Variants in EPC2 observed in about 807,000 individuals in gnomAD.
EPC2 encodes the protein enhancer of polycomb homolog 2.
A neutral mutation model predicts 92.1 loss-of-function variants in EPC2; 14 were observed. The observed-to-expected ratio is 0.15, with a 90% confidence interval of 0.10 to 0.24. EPC2 has a LOEUF of 0.24. EPC2 is among the 10% of genes least tolerant of loss of function. EPC2 has a pLI of 1.00. For synonymous variants in EPC2, 340 were observed against 334.7 expected, an observed-to-expected ratio of 1.02 and a Z score of -0.17; for missense variants, 755 against 971.5, an observed-to-expected ratio of 0.78 and a Z score of 2.96.
chr2:148,719,775 G>A (rs1437251781), intron 2 of EPC2, among the ~76,000 whole-genome samples: 3 of 152,220 alleles, frequency 2.0e-5, no homozygotes, highest in Non-Finnish European at 4.4e-5. Flanking sequence ...GTGCTGTGTT[G>A]GTGATCCCTT....
In EPC2 at chr2:148,707,915, C is replaced by A. The variant is rs544882813; in HGVS notation, c.313+17542C>A. ...AAGCAGGAAAGATCTAAAATTGACA[C>A]CCTAACATCACAATTAAAAGAACTA... is the stretch of plus-strand genomic sequence containing the variant. On this transcript the variant is annotated intron_variant, in intron 2 of 13. Coordinates refer to ENST00000258484, the MANE Select transcript of EPC2 (RefSeq NM_015630.4). Among the ~76,000 whole-genome samples the A allele has an allele frequency of 2.8e-4, 43 of 152,234 alleles. 1 individual carries two copies. The highest frequency in any genetic ancestry group is 7.7e-4 in the African/African-American group (32 of 41,540).
At chr2:148,735,205 GT>G (rs1682727212) in intron 2 of EPC2, among the ~76,000 whole-genome samples, 1 of 151,962 alleles carries the variant, frequency 6.6e-6, no homozygotes, top group Non-Finnish European at 1.5e-5. Context: ...AAAAGTACAT[GT>G]TTAACTTTAG....
chr2:148,737,359 A>C (rs935662745), intron 2 of EPC2, among the ~76,000 whole-genome samples: 12 of 152,084 alleles, frequency 7.9e-5, no homozygotes, highest in Non-Finnish European at 1.3e-4. Context: ...AAAATTAAAT[A>C]TATTCAAAGA....
rs140453325 is a variant in EPC2, at chr2:148,704,965, T to C, written c.313+14592T>C. On this transcript the variant is annotated intron_variant, in intron 2 of 13. Transcript: ENST00000258484. ...TTTATTTTTAAGGCAAAGGAATGAA[T>C]AGTACGGGGAACCCAATGTATCTGT... is the stretch of plus-strand genomic sequence containing the variant. Among the ~76,000 whole-genome samples, 1,344 of 151,964 alleles carry C rather than the reference T, an allele frequency of 8.8e-3. 83 individuals are homozygous for C. The highest frequency in any genetic ancestry group is 0.083 in the Admixed American group (1,267 of 15,242).
At chr2:148,681,815 C>T (rs1305001096) in intron 1 of EPC2, among the ~76,000 whole-genome samples, 13 of 152,118 alleles carry the variant, frequency 8.5e-5, no homozygotes, top group Non-Finnish European at 8.8e-5. Context: ...TGGTTTGCTG[C>T]ACCTATTAAC....
chr2:148,767,590 A>T (rs2105428184), intron 7 of EPC2, among the ~76,000 whole-genome samples: 1 of 152,306 alleles, frequency 6.6e-6, no homozygotes, highest in Non-Finnish European at 1.5e-5. Flanking sequence ...TGCTGACAAG[A>T]TCATTAAAGT....
chr2:148,762,755 A>G lies in EPC2; in HGVS notation c.901A>G (p.Thr301Ala). 6.2e-7 allele frequency: 1 copy of G among 1,610,498 alleles called. No individual in the cohort carries two copies. Among genetic ancestry groups the G allele is most frequent in the Non-Finnish European group, 8.5e-7 (1 of 1,178,752 alleles). ...AAAAGAGTTATATGCCACTCCAGCAACTCTTCATAATGGAAATCATCACAA... is the reference window on the plus strand; with the variant it reads ...AAAAGAGTTATATGCCACTCCAGCAGCTCTTCATAATGGAAATCATCACAA... Reference protein sequence around the residue: ...SEKELYATPATLHNGNHHKVQ... With the variant: ...SEKELYATPAALHNGNHHKVQ... Residue 301 changes from threonine (T) to alanine (A), a missense_variant, in exon 6 of 14, where the codon ACT (threonine) becomes GCT (alanine). This residue lies in a region of EPC2 where 509 missense variants were observed against 607.7 expected (regional missense o/e 0.84). Transcript: ENST00000258484.
chr2:148,693,272 A>G (rs55898018), intron 2 of EPC2, among the ~76,000 whole-genome samples: 1,525 of 152,324 alleles, frequency 0.01, 25 homozygotes, highest in African/African-American at 0.034. Flanking sequence ...TAGAAAAAAA[A>G]CATTGTAAAG....
chr2:148,780,810 A>G (rs1042852562), intron 10 of EPC2, among the ~76,000 whole-genome samples: 1 of 152,190 alleles, frequency 6.6e-6, no homozygotes, highest in African/African-American at 2.4e-5. Context: ...CTAATATTAT[A>G]ATGACTTCCA....
chr2:148,660,335 G>A (rs138804370), intron 1 of EPC2, among the ~76,000 whole-genome samples: 176 of 152,250 alleles, frequency 1.2e-3, no homozygotes, highest in African/African-American at 3.9e-3. Context: ...TGAGACATGG[G>A]CGTTGTAAGA....
At chr2:148,664,824 A>G (rs1681027194) in intron 1 of EPC2, among the ~76,000 whole-genome samples, 1 of 151,960 alleles carries the variant, frequency 6.6e-6, no homozygotes. Context: ...TAAATAGTTC[A>G]CTCCATTTTG....
chr2:148,690,484 AATAG>A, intron 2 of EPC2, 111 bp downstream of exon 2: 1 of 942,648 alleles, frequency 1.1e-6, no homozygotes. Flanking sequence ...CACACTGATT[AATAG>A]ATATGTTAAA....
chr2:148,732,381 C>CTTTT (rs752780229), intron 2 of EPC2, among the ~76,000 whole-genome samples: 8 of 132,960 alleles, frequency 6.0e-5, no homozygotes, highest in African/African-American at 2.2e-4. Context: ...TTATTTTTGT[C>CTTTT]TTTTTTTTTT....
intron 2 of EPC2, among the ~76,000 whole-genome samples, chr2:148,694,420 T>A (rs1681703493): frequency 6.6e-6 from 1 of 152,198 alleles, no homozygotes; most frequent in Non-Finnish European, 1.5e-5. Flanking sequence ...GAGCTGTCTT[T>A]ACCAGGTGGG....
intron 1 of EPC2, among the ~76,000 whole-genome samples, chr2:148,649,425 A>G (rs1374449312): frequency 2.0e-5 from 3 of 152,236 alleles, no homozygotes; most frequent in Admixed American, 6.5e-5. Context: ...ACAATTTCAT[A>G]TAAATGGAAT....
chr2:148,711,481 TA>T (rs1284626526), intron 2 of EPC2, among the ~76,000 whole-genome samples: 2 of 152,186 alleles, frequency 1.3e-5, no homozygotes, highest in African/African-American at 4.8e-5. Context: ...TAAAATTTAT[TA>T]TTTTTTTATG....
chr2:148,767,764 A>G (rs998136114), intron 7 of EPC2, among the ~76,000 whole-genome samples: 7 of 152,202 alleles, frequency 4.6e-5, no homozygotes, highest in South Asian at 2.1e-4. Flanking sequence ...TTGTCTTCCT[A>G]TGCCTCAGAC....
At chr2:148,679,606 TTTG>T (rs770536542) in intron 1 of EPC2, among the ~76,000 whole-genome samples, 1 of 152,150 alleles carries the variant, frequency 6.6e-6, no homozygotes, top group Non-Finnish European at 1.5e-5. Flanking sequence ...TTTGATGTTG[TTTG>T]TTGTTGTAGG....
intron 7 of EPC2, among the ~76,000 whole-genome samples, chr2:148,767,295 A>C (rs1683428958): frequency 6.6e-6 from 1 of 151,930 alleles, no homozygotes; most frequent in African/African-American, 2.4e-5. Flanking sequence ...AGTAGAGCTC[A>C]CTCAGCATAA....
Sources: allele counts gnomAD v4.1 joint callset (sites outside exome capture counted in the v4.1 genomes callset), GRCh38; gene constraint gnomAD v4.1.1; regional missense constraint gnomAD v4.1.1; transcripts MANE v1.5; gene names NCBI Gene and HGNC (gene_info 2026-07-23, HGNC 2026-07-21).